LMNA: variants seen among roughly 807,000 people sequenced by gnomAD.
The protein encoded by LMNA is lamin A/C, also known as lamin.
In LMNA, 20 loss-of-function variants were observed where a neutral mutation model predicts 70.4. The ratio of observed to expected loss-of-function variants is 0.28; its 90% CI spans 0.20 to 0.41. The LOEUF (loss-of-function observed/expected upper bound fraction) is 0.41. Ranked by LOEUF, LMNA falls within the 10% of genes least tolerant of loss-of-function variation. The pLI is 1.00. For synonymous variants in LMNA, 339 were observed against 372.8 expected (o/e 0.91, Z 1.04); for missense variants, 652 against 917.2 (o/e 0.71, Z 3.73).
chr1:156,124,542 CT>C (rs1197871577), intron 1 of LMNA, among the ~76,000 whole-genome samples: 7 of 152,174 alleles, frequency 4.6e-5, no homozygotes, highest in Non-Finnish European at 1.0e-4. Context: ...CCACCTTGGC[CT>C]CCCAAAGTGC....
Position 156,137,266 on chromosome 1 carries a change from G to A in LMNA, c.1608+34G>A, listed in dbSNP as rs761916992. 1.6e-5 allele frequency: 24 copies of A among 1,545,764 alleles called. No individual in the cohort carries two copies. The Admixed American group carries it at 1.7e-4, about 11-fold the overall frequency. On this transcript the variant is annotated intron_variant, in intron 9 of 11. Transcript: ENST00000368300. The surrounding 1 kb of genome is among the most constrained non-coding windows in gnomAD (Gnocchi z 4.6). ...GCCTGGGCCTGGCTGCTTGCTGGAC[G>A]AGGCTCCCCCTGATGGCCAACATCG...
chr1:156,136,729 G>T lies in LMNA; in HGVS notation c.1381-192G>T, dbSNP rs191028154. 5.8e-6 allele frequency: 4 copies of T among 690,748 alleles called. No individual in the cohort carries two copies. The highest frequency in any genetic ancestry group is 1.0e-5 in the Non-Finnish European group (4 of 381,996). 42.8% of individuals were successfully genotyped at this position (690,748 alleles called of 1,614,324 possible). ...CAGGAAGATGAAAGATAAGGTATCC[G>T]TGTGCCTGGTGCTGCGTATGTGTCC... On this transcript the variant is annotated intron_variant, in intron 7 of 11. Coordinates refer to ENST00000368300, the MANE Select transcript of LMNA (RefSeq NM_170707.4). This position sits in a 1 kb window ranked among gnomAD's most constrained non-coding sequence, Gnocchi z 6.1.
intron 1 of LMNA, among the ~76,000 whole-genome samples, chr1:156,125,861 G>T (rs536896390): frequency 1.3e-5 from 2 of 151,950 alleles, no homozygotes; most frequent in South Asian, 4.2e-4. Flanking sequence ...TGGTGGTGCA[G>T]GCCTGTAATC....
chr1:156,087,091 T>A (rs555266833), intron 2 of LMNA, among the ~76,000 whole-genome samples: 229 of 152,264 alleles, frequency 1.5e-3, no homozygotes, highest in African/African-American at 5.3e-3. Context: ...CACAGGAGGC[T>A]GCCACCAAGG....
chr1:156,134,507 C>T lies in LMNA; in HGVS notation c.618C>T (p.Phe206=). 6.2e-7 allele frequency: 1 copy of T among 1,614,114 alleles called. No individual in the cohort carries two copies. The highest frequency in any genetic ancestry group is 1.1e-5 in the South Asian group (1 of 91,080). ...RLQTMKEELD[F]QKNIYSEELR... The stretch of plus-strand genomic sequence containing the variant: ...AGACCATGAAGGAGGAACTGGACTT[C>T]CAGAAGAACATCTACAGTGAGGTGG... The change falls in exon 3 of 12, where the codon TTC becomes TTT. Residue 206 remains phenylalanine (F), a synonymous_variant. Coordinates refer to ENST00000368300, the MANE Select transcript of LMNA (RefSeq NM_170707.4). This position sits in a 1 kb window ranked among gnomAD's most constrained non-coding sequence, Gnocchi z 5.3.
intron 2 of LMNA, among the ~76,000 whole-genome samples, chr1:156,090,231 T>TTGAA (rs1291537948): frequency 1.3e-5 from 2 of 152,056 alleles, no homozygotes; most frequent in Non-Finnish European, 2.9e-5. Flanking sequence ...GGACTAGAAG[T>TTGAA]TGAATGAATG....
chr1:156,105,856 C>T (rs1649312630), intron 3 of LMNA, among the ~76,000 whole-genome samples: 1 of 152,128 alleles, frequency 6.6e-6, no homozygotes, highest in Admixed American at 6.5e-5. Context: ...CGGTGGCTCA[C>T]GCCTGTAATC....
chr1:156,126,057 C>T lies in LMNA; in HGVS notation c.357-4560C>T, dbSNP rs2475758. The T allele has an allele frequency of 0.068, 33,594 of 495,036 alleles. 2,291 individuals are homozygous for T. The highest frequency in any genetic ancestry group is 0.25 in the African/African-American group (12,589 of 49,898). The allele number at this position is 495,036 out of a possible 1,614,324, so 30.7% of individuals were successfully genotyped here. ...AAATTAAAATTAAACAAATTAGATG[C>T]CCAGGAGGATACAGGAGAGCATTTG... On this transcript the variant is annotated intron_variant, in intron 1 of 11. Coordinates refer to ENST00000368300, the MANE Select transcript of LMNA (RefSeq NM_170707.4).
chr1:156,114,597 T>G, upstream of LMNA: 3 of 168,074 alleles, frequency 1.8e-5, no homozygotes, highest in Non-Finnish European at 3.6e-5. Flanking sequence ...TTCCCCCTCC[T>G]CACCACTCCC....
intron 1 of LMNA, chr1:156,126,984 C>T: frequency 7.0e-7 from 1 of 1,434,690 alleles, no homozygotes; most frequent in Non-Finnish European, 9.3e-7. Context: ...ACCTGAGGGG[C>T]CCAGGTTCCC....
At chr1:156,119,689 C>T (rs769809177) in intron 1 of LMNA, among the ~76,000 whole-genome samples, 39 of 152,206 alleles carry the variant, frequency 2.6e-4, no homozygotes, top group Non-Finnish European at 4.4e-4. Context: ...AGCTGGGCCC[C>T]ACCCCAGGCA....
At chr1:156,084,348 T>G (rs1387440951) in intron 2 of LMNA, among the ~76,000 whole-genome samples, 16 of 114,900 alleles carry the variant, frequency 1.4e-4, no homozygotes, top group Admixed American at 2.6e-4. Context: ...TGGGGGCAGT[T>G]GGCACACTGC....
chr1:156,096,335 C>T (rs1228769039), intron 3 of LMNA, among the ~76,000 whole-genome samples: 1 of 152,214 alleles, frequency 6.6e-6, no homozygotes, highest in Non-Finnish European at 1.5e-5. Context: ...AATTACCGCA[C>T]ATCTCTGAAC....
chr1:156,136,363 C>T lies in LMNA; in HGVS notation c.1307C>T (p.Thr436Ile), dbSNP rs773638171. The change falls in exon 7 of 12, where the codon ACT (threonine) becomes ATT (isoleucine). Residue 436 changes from threonine to isoleucine, a missense_variant. By Grantham distance (89) the Thr-to-Ile change is moderately conservative (BLOSUM62 -1). Transcript: ENST00000368300. This position sits in a 1 kb window ranked among gnomAD's most constrained non-coding sequence, Gnocchi z 6.1. ...AGCAGCTTCTCACAGCACGCACGCA[C>T]TAGCGGGCGCGTGGCCGTGGAGGAG... ...SRSSFSQHAR[T>I]SGRVAVEEVD... The T allele has an allele frequency of 1.2e-6, 2 of 1,612,138 alleles. No individual in the cohort carries two copies. The highest frequency in any genetic ancestry group is 1.1e-5 in the South Asian group (1 of 90,988).
intron 2 of LMNA, among the ~76,000 whole-genome samples, chr1:156,133,021 G>A (rs1448568290): frequency 1.3e-5 from 2 of 151,660 alleles, no homozygotes; most frequent in Non-Finnish European, 2.9e-5. Flanking sequence ...TGGATTTTTA[G>A]TAGAGACAGG....
intron 1 of LMNA, among the ~76,000 whole-genome samples, chr1:156,128,804 C>A (rs1274536335): frequency 6.6e-6 from 1 of 152,238 alleles, no homozygotes; most frequent in Non-Finnish European, 1.5e-5. Context: ...ATTCTGAGAG[C>A]CTCCTAGTAC....
chr1:156,132,562 G>A (rs567448148), intron 2 of LMNA, among the ~76,000 whole-genome samples: 1 of 152,272 alleles, frequency 6.6e-6, no homozygotes, highest in African/African-American at 2.4e-5. Flanking sequence ...AGTCTCATCT[G>A]TTCATAGTGG....
At position 156,138,851 on chromosome 1, in the gene LMNA, C is replaced by T. The variant is rs1651890153; in HGVS notation, c.1968+94C>T. The T allele has an allele frequency of 3.9e-6, 6 of 1,520,400 alleles. No individual in the cohort carries two copies. In the African/African-American group the frequency reaches 6.9e-5, roughly 17 times the overall value. 94.2% of individuals were successfully genotyped at this position (1,520,400 alleles called of 1,614,324 possible). On this transcript the variant is annotated intron_variant, in intron 11 of 11. Transcript: ENST00000368300. This position sits in a 1 kb window ranked among gnomAD's most constrained non-coding sequence, Gnocchi z 5.5. ...TGGCCTTGCAGGGGGGAGAGCCTGC[C>T]TTCTCTTCCGCAGCCCGGGGGAGTG...
intron 3 of LMNA, among the ~76,000 whole-genome samples, chr1:156,105,885 G>A (rs1335685427): frequency 6.6e-6 from 1 of 152,096 alleles, no homozygotes; most frequent in Admixed American, 6.6e-5. Flanking sequence ...TTGGGAGGCC[G>A]AGGCAGGCGG....
Sources: allele counts gnomAD v4.1 joint callset (sites outside exome capture counted in the v4.1 genomes callset), GRCh38; gene constraint gnomAD v4.1.1; non-coding constraint Gnocchi (gnomAD v3.1); transcripts MANE v1.5; gene names NCBI Gene and HGNC (gene_info 2026-07-23, HGNC 2026-07-21).